The following OSBPL5 variants were observed in gnomAD, a reference collection of about 807,000 sequenced individuals.
The protein encoded by OSBPL5 is oxysterol binding protein like 5, also known as oxysterol-binding protein-related protein 5.
A neutral mutation model predicts 111.2 loss-of-function variants in OSBPL5; 71 were observed. That is an observed-to-expected ratio of 0.64 (90% CI 0.53 to 0.78). OSBPL5 has a LOEUF of 0.78. Ranked by LOEUF, OSBPL5 falls within the 30% of genes least tolerant of loss-of-function variation. The pLI is 0.00. For missense variants in OSBPL5, 1,210 were observed against 1,189.3 expected, an observed-to-expected ratio of 1.02 and a Z score of -0.26; for synonymous variants, 549 against 513.9, an observed-to-expected ratio of 1.07 and a Z score of -0.93.
At chr11:3,111,918 TTA>T (rs1857954816) in intron 7 of OSBPL5, among the ~76,000 whole-genome samples, 1 of 151,924 alleles carries the variant, frequency 6.6e-6, no homozygotes, top group African/African-American at 2.4e-5. Context: ...AGCTCAATGG[TTA>T]AAAGTCAGTT....
Position 3,103,862 on chromosome 11 carries a change from AG to A in OSBPL5, c.1244+330del, listed in dbSNP as rs1315640877. Among the ~76,000 whole-genome samples the A allele has an allele frequency of 2.1e-3, 77 of 35,886 alleles. 1 individual carries two copies. The highest frequency in any genetic ancestry group is 2.6e-3 in the Non-Finnish European group (42 of 15,980). The allele number at this position is 35,886 out of a possible 152,430, so 23.5% of individuals were successfully genotyped here. On this transcript the variant is annotated intron_variant, in intron 10 of 21. Transcript: ENST00000263650. Reference sequence around the variant, plus strand: ...TCTGCAGCCCCTTTCCAGTCTGCGCAGCCCCCTTCCTGCCTCTGTAGCCCCA... The same window carrying A: ...TCTGCAGCCCCTTTCCAGTCTGCGCACCCCCTTCCTGCCTCTGTAGCCCCA...
chr11:3,087,961 A>G lies in OSBPL5; in HGVS notation c.*244T>C. The G allele has an allele frequency of 2.6e-6, 1 of 379,820 alleles. No individual in the cohort carries two copies. 23.5% of individuals were successfully genotyped at this position (379,820 alleles called of 1,614,324 possible). A position where few individuals can be genotyped will look rare whatever the true frequency, so the allele number is the denominator to read the frequency against. On this transcript the variant is annotated 3_prime_UTR_variant, in exon 22 of 22. Coordinates refer to ENST00000263650, the MANE Select transcript of OSBPL5 (RefSeq NM_020896.4). ...GAGTGCGTCGCACAGCAGAAGCTGCATTTGGCTTTAGCATTAAGGCCAGCG... is the reference window on the plus strand; with the variant it reads ...GAGTGCGTCGCACAGCAGAAGCTGCGTTTGGCTTTAGCATTAAGGCCAGCG...
Position 3,143,038 on chromosome 11 carries a change from G to T in OSBPL5, c.-21-13869C>A, listed in dbSNP as rs111256699. Among the ~76,000 whole-genome samples, 13 of 76,350 alleles carry T rather than the reference G, an allele frequency of 1.7e-4. 1 individual carries two copies. In the East Asian group the frequency reaches 3.5e-3, roughly 21 times the overall value. 50.1% of individuals were successfully genotyped at this position (76,350 alleles called of 152,430 possible). A position where few individuals can be genotyped will look rare whatever the true frequency, so the allele number is the denominator to read the frequency against. The stretch of plus-strand genomic sequence containing the variant: ...GGCAGAGGAGGCAGGTGCGGGGGGG[G>T]GCAGAGGAGGCAGGTGCGGAGCGGG... On this transcript the variant is annotated intron_variant, in intron 1 of 21. Coordinates refer to ENST00000263650, the MANE Select transcript of OSBPL5 (RefSeq NM_020896.4).
intron 12 of OSBPL5, 131 bp downstream of exon 12, chr11:3,102,052 G>T: frequency 1.1e-6 from 1 of 872,224 alleles, no homozygotes; most frequent in Non-Finnish European, 1.8e-6. Flanking sequence ...CCGGTGTGCA[G>T]GATGTGGGGT....
intron 3 of OSBPL5, among the ~76,000 whole-genome samples, 185 bp from the exon 4 acceptor site, chr11:3,122,613 A>G (rs1858463493): frequency 6.6e-6 from 1 of 152,000 alleles, no homozygotes. Flanking sequence ...GGATGGAAGA[A>G]CAAGGGTGGC....
intron 3 of OSBPL5, among the ~76,000 whole-genome samples, chr11:3,125,509 T>A (rs1182748805): frequency 1.3e-5 from 2 of 152,152 alleles, no homozygotes; most frequent in South Asian, 2.1e-4. Context: ...CCCGCTAGGA[T>A]AGCTATAAAA....
rs1055124804 is a variant in OSBPL5 at position 3,113,970 on chromosome 11, A to G, written c.691+5577T>C. ...TGTTTCCATAATTTAAATAATGACA[A>G]TTGCAGTTTTTATAAATAATCTAGG... On this transcript the variant is annotated intron_variant, in intron 7 of 21. Transcript: ENST00000263650. The surrounding 1 kb of genome is among the most constrained non-coding windows in gnomAD (Gnocchi z 4.8). Among the ~76,000 whole-genome samples the G allele has an allele frequency of 1.3e-5, 2 of 152,242 alleles. No individual in the cohort carries two copies. The highest frequency in any genetic ancestry group is 4.8e-5 in the African/African-American group (2 of 41,470).
intron 5 of OSBPL5, 54 bp from the exon 6 acceptor site, chr11:3,120,678 G>T: frequency 6.3e-7 from 1 of 1,590,724 alleles, no homozygotes. Flanking sequence ...CCATCCCTGG[G>T]GCATCTTGAT....
rs71035486 is a variant in OSBPL5 at position 3,113,654 on chromosome 11, CAA to C, written c.692-5711_692-5710del. Among the ~76,000 whole-genome samples the C allele has an allele frequency of 4.9e-3, 716 of 146,100 alleles. 4 individuals carry two copies. The highest frequency in any genetic ancestry group is 0.017 in the African/African-American group (654 of 39,574). ...GGGAGACTAGAGCAAGACTCCGTCT[CAA>C]AAAAAAAAAAATTTATATTGGTTTA... On this transcript the variant is annotated intron_variant, in intron 7 of 21. Coordinates refer to ENST00000263650, the MANE Select transcript of OSBPL5 (RefSeq NM_020896.4). The surrounding 1 kb of genome is among the most constrained non-coding windows in gnomAD (Gnocchi z 4.8).
chr11:3,115,964 G>A (rs115979947), intron 7 of OSBPL5, among the ~76,000 whole-genome samples: 1,963 of 150,998 alleles, frequency 0.013, 40 homozygotes, highest in African/African-American at 0.046. Flanking sequence ...GTAATATCAA[G>A]TGTTTTAAAC....
In OSBPL5 at chr11:3,130,125, A is replaced by T. The variant is rs149470148; in HGVS notation, c.-21-956T>A. Among the ~76,000 whole-genome samples, 456 of 152,354 alleles carry T rather than the reference A, an allele frequency of 3.0e-3. 2 individuals carry two copies. The highest frequency in any genetic ancestry group is 0.011 in the African/African-American group (441 of 41,582). On this transcript the variant is annotated intron_variant, in intron 1 of 21. Coordinates refer to ENST00000263650, the MANE Select transcript of OSBPL5 (RefSeq NM_020896.4). The surrounding 1 kb of genome is among the most constrained non-coding windows in gnomAD (Gnocchi z 4.5). Reference sequence around the variant, plus strand: ...AGGCACTTGAAGTTGACGGCGCCAGATCCACTGAGGTCTCAGCCCATTTTA... The same window carrying T: ...AGGCACTTGAAGTTGACGGCGCCAGTTCCACTGAGGTCTCAGCCCATTTTA...
intron 1 of OSBPL5, among the ~76,000 whole-genome samples, chr11:3,144,487 C>T (rs150925347): frequency 3.9e-5 from 6 of 152,314 alleles, no homozygotes; most frequent in East Asian, 1.9e-4. Flanking sequence ...GCAGCAAACC[C>T]GCCAGGCTCC....
Position 3,092,489 on chromosome 11 carries a change from C to A in OSBPL5, c.2202G>T (p.Gln734His). The change falls in exon 19 of 22, where the codon CAG becomes CAT. Residue 734 changes from glutamine to histidine, a missense_variant. Coordinates refer to ENST00000263650, the MANE Select transcript of OSBPL5 (RefSeq NM_020896.4). The surrounding 1 kb of genome is among the most constrained non-coding windows in gnomAD (Gnocchi z 5.4). ...TGGTCTGGCGGGCCACGGCCTCCTG[C>A]TGCAAGGTCCGCAGGATCCCGTCTT... ...FEQDGILRTLQQEAVARQTTF... is the reference protein window; with the variant it reads ...FEQDGILRTLHQEAVARQTTF... 1 of 1,576,736 alleles carries A rather than the reference C, an allele frequency of 6.3e-7. No homozygotes were observed. Among genetic ancestry groups the A allele is most frequent in the Non-Finnish European group, 8.6e-7 (1 of 1,161,618 alleles).
rs1857004594 is a variant in OSBPL5 at position 3,090,024 on chromosome 11, C to T, written c.2399-76G>A. On this transcript the variant is annotated intron_variant, in intron 20 of 21. Coordinates refer to ENST00000263650, the MANE Select transcript of OSBPL5 (RefSeq NM_020896.4). Reference sequence around the variant, plus strand: ...AGCTGGAGGTCCAGTGGGGCTGGCACGTGGGTCACAGGGTCATATCCAGCT... The same window carrying T: ...AGCTGGAGGTCCAGTGGGGCTGGCATGTGGGTCACAGGGTCATATCCAGCT... 2.3e-5 allele frequency: 28 copies of T among 1,207,008 alleles called. No individual in the cohort carries two copies. The South Asian group carries it at 3.0e-4, about 13-fold the overall frequency. The allele number at this position is 1,207,008 out of a possible 1,614,324, so 74.8% of individuals were successfully genotyped here.
In OSBPL5 at chr11:3,092,913, A is replaced by G; in HGVS notation, c.2086T>C (p.Phe696Leu). 1.3e-6 allele frequency: 2 copies of G among 1,565,722 alleles called. No homozygotes were observed. The highest frequency in any genetic ancestry group is 1.7e-6 in the Non-Finnish European group (2 of 1,155,098). ...TCCTGGGTGATGGGGTCCAGGTGGAACAGCTGCGGCTTCCAGGGCATGAGG... is the reference window on the plus strand; with the variant it reads ...TCCTGGGTGATGGGGTCCAGGTGGAGCAGCTGCGGCTTCCAGGGCATGAGG... ...ESLMPWKPQL[F>L]HLDPITQEWH... Residue 696 changes from phenylalanine to leucine, a missense_variant, in exon 18 of 22, where the codon TTC (phenylalanine) becomes CTC (leucine). Transcript: ENST00000263650. This position sits in a 1 kb window ranked among gnomAD's most constrained non-coding sequence, Gnocchi z 5.4.
At chr11:3,164,209 C>T (rs1211077498) in intron 1 of OSBPL5, 1 of 152,352 alleles carries the variant, frequency 6.6e-6, no homozygotes, top group Non-Finnish European at 1.5e-5. Context: ...GGCAGACACA[C>T]AGAGGGGAGC....
At chr11:3,123,790 C>T (rs1858505440) in intron 3 of OSBPL5, among the ~76,000 whole-genome samples, 1 of 152,240 alleles carries the variant, frequency 6.6e-6, no homozygotes, top group South Asian at 2.1e-4. Flanking sequence ...TCATCCCCCT[C>T]ATTCTCCAGC....
At position 3,093,736 on chromosome 11, in the gene OSBPL5, G is replaced by A. The variant is rs370255232; in HGVS notation, c.1809+10C>T. The A allele has an allele frequency of 1.1e-5, 17 of 1,612,692 alleles. No individual in the cohort carries two copies. Among genetic ancestry groups the A allele is most frequent in the Non-Finnish European group, 1.2e-5 (14 of 1,179,980 alleles). ...CCCGGCCGTGCCTGCCCTGAGGGAC[G>A]GCCCCTTACCCAGTGGCCACTGAGG... On this transcript the variant is annotated intron_variant, in intron 16 of 21. Coordinates refer to ENST00000263650, the MANE Select transcript of OSBPL5 (RefSeq NM_020896.4).
chr11:3,105,256 C>A lies in OSBPL5; in HGVS notation c.1060-879G>T, dbSNP rs1590654725. Among the ~76,000 whole-genome samples, 1 of 152,180 alleles carries A rather than the reference C, an allele frequency of 6.6e-6. No homozygotes were observed. Among genetic ancestry groups the A allele is most frequent in the South Asian group, 2.1e-4 (1 of 4,826 alleles). On this transcript the variant is annotated intron_variant, in intron 9 of 21. Transcript: ENST00000263650. The surrounding 1 kb of genome is among the most constrained non-coding windows in gnomAD (Gnocchi z 5.2). ...AACGGCAGCTGCCCCAGGGAGCGGGCAAGATGGAGTGTGGCCTGTGAGTCC... is the reference window on the plus strand; with the variant it reads ...AACGGCAGCTGCCCCAGGGAGCGGGAAAGATGGAGTGTGGCCTGTGAGTCC...
Sources: allele counts gnomAD v4.1 joint callset (sites outside exome capture counted in the v4.1 genomes callset), GRCh38; gene constraint gnomAD v4.1.1; non-coding constraint Gnocchi (gnomAD v3.1); transcripts MANE v1.5; gene names NCBI Gene and HGNC (gene_info 2026-07-23, HGNC 2026-07-21).